Variants in RIT2 observed in about 807,000 individuals in gnomAD.
RIT2 encodes Ras like without CAAX 2.
In RIT2, 24 loss-of-function variants were observed where a neutral mutation model predicts 23.7. The observed-to-expected ratio is 1.01, with a 90% CI of 0.73 to 1.43. The LOEUF (loss-of-function observed/expected upper bound fraction) is 1.43, where lower values mean the gene tolerates loss of function less well. Among genes scored for constraint, RIT2 ranks in the 40% most tolerant of loss-of-function variants. RIT2 has a pLI of 0.00. For synonymous variants in RIT2, 107 were observed against 91.1 expected, an observed-to-expected ratio of 1.17 and a Z score of -0.99; for missense variants, 236 against 266.9, an observed-to-expected ratio of 0.88 and a Z score of 0.81.
At chr18:42,931,595 A>C (rs1909326388) in intron 3 of RIT2, among the ~76,000 whole-genome samples, 1 of 152,172 alleles carries the variant, frequency 6.6e-6, no homozygotes, top group Admixed American at 6.5e-5. Flanking sequence ...TCAAAGATTT[A>C]AAGTTTCATG....
chr18:42,752,528 G>T (rs1274343763), intron 4 of RIT2, among the ~76,000 whole-genome samples: 1 of 152,064 alleles, frequency 6.6e-6, no homozygotes, highest in East Asian at 1.9e-4. Context: ...TATCCATCAA[G>T]TTCTACTATC....
intron 4 of RIT2, among the ~76,000 whole-genome samples, chr18:42,817,814 G>C (rs1296899832): frequency 6.6e-6 from 1 of 151,964 alleles, no homozygotes; most frequent in Non-Finnish European, 1.5e-5. Context: ...TTTCAGAACT[G>C]TTGTTAAAAT....
At chr18:42,946,772 TTTC>T (rs1909737639) in intron 3 of RIT2, among the ~76,000 whole-genome samples, 1 of 152,012 alleles carries the variant, frequency 6.6e-6, no homozygotes, top group African/African-American at 2.4e-5. Context: ...TACTCTGCTA[TTTC>T]AGCAGAGATG....
intron 3 of RIT2, among the ~76,000 whole-genome samples, chr18:42,940,269 T>TATATATATATATATGC (rs1555648056): frequency 2.8e-4 from 39 of 137,962 alleles, no homozygotes; most frequent in African/African-American, 1.0e-3. Context: ...TATATATATA[T>TATATATATATATATGC]GCACACACAC....
chr18:42,955,626 A>G (rs954930365), intron 3 of RIT2, among the ~76,000 whole-genome samples: 1 of 152,174 alleles, frequency 6.6e-6, no homozygotes, highest in African/African-American at 2.4e-5. Context: ...CTGAGTCTCT[A>G]CCCCAAATAT....
chr18:42,811,761 A>G (rs1443963501), intron 4 of RIT2, among the ~76,000 whole-genome samples: 2 of 152,064 alleles, frequency 1.3e-5, no homozygotes, highest in East Asian at 1.9e-4. Flanking sequence ...ACAAGGTGCT[A>G]GAATGTTGAG....
intron 2 of RIT2, among the ~76,000 whole-genome samples, chr18:42,999,466 A>G (rs924679028): frequency 1.3e-5 from 2 of 152,104 alleles, no homozygotes; most frequent in East Asian, 1.9e-4. Context: ...ACATATTTAC[A>G]TACAAATGTG....
chr18:42,942,234 T>G (rs1272545527), intron 3 of RIT2, among the ~76,000 whole-genome samples: 1 of 152,128 alleles, frequency 6.6e-6, no homozygotes, highest in Non-Finnish European at 1.5e-5. Context: ...TGGCTTGGCA[T>G]AAGGACTGCT....
At chr18:43,024,312 C>T (rs1162958401) in intron 2 of RIT2, among the ~76,000 whole-genome samples, 1 of 151,992 alleles carries the variant, frequency 6.6e-6, no homozygotes, top group Non-Finnish European at 1.5e-5. Flanking sequence ...GGAGAAAGGA[C>T]ACCTTATTCA....
At chr18:42,854,473 G>A (rs1907132779) in intron 4 of RIT2, among the ~76,000 whole-genome samples, 1 of 152,120 alleles carries the variant, frequency 6.6e-6, no homozygotes, top group Admixed American at 6.5e-5. Flanking sequence ...AAACATTTTT[G>A]TGTGGGGAGG....
chr18:42,857,206 A>T (rs934210549), intron 4 of RIT2, among the ~76,000 whole-genome samples: 1 of 152,176 alleles, frequency 6.6e-6, no homozygotes, highest in Non-Finnish European at 1.5e-5. Flanking sequence ...ACATCCCACA[A>T]ACTACAAGGT....
intron 4 of RIT2, 35 bp downstream of exon 4, chr18:42,923,535 CAA>C (rs780804423): frequency 2.4e-5 from 38 of 1,583,412 alleles, no homozygotes; most frequent in Non-Finnish European, 2.9e-5. Flanking sequence ...ATCCTCAGAG[CAA>C]AAGACAGAAG....
chr18:43,090,332 C>T (rs1913391511), intron 1 of RIT2, among the ~76,000 whole-genome samples: 1 of 152,146 alleles, frequency 6.6e-6, no homozygotes, highest in Non-Finnish European at 1.5e-5. Flanking sequence ...TACCATCTCA[C>T]ACCATTCAGA....
intron 3 of RIT2, among the ~76,000 whole-genome samples, chr18:42,942,126 G>C (rs1412241190): frequency 6.6e-6 from 1 of 151,246 alleles, no homozygotes; most frequent in African/African-American, 2.4e-5. Flanking sequence ...CAGTGAATAT[G>C]TCAAACACTT....
intron 4 of RIT2, among the ~76,000 whole-genome samples, chr18:42,819,285 T>A (rs1276664944): frequency 2.6e-5 from 4 of 152,104 alleles, no homozygotes; most frequent in African/African-American, 4.8e-5. Flanking sequence ...CTTGCATTTC[T>A]ATCCTAACAC....
At chr18:42,849,493 A>G (rs1277991184) in intron 4 of RIT2, among the ~76,000 whole-genome samples, 2 of 152,112 alleles carry the variant, frequency 1.3e-5, no homozygotes, top group Admixed American at 1.3e-4. Context: ...CTTTTTCAGG[A>G]TAAGTGTGAA....
chr18:42,924,874 T>G (rs536064929), intron 3 of RIT2, among the ~76,000 whole-genome samples: 1 of 152,090 alleles, frequency 6.6e-6, no homozygotes, highest in Admixed American at 6.6e-5. Flanking sequence ...CCAGGAACTT[T>G]GGAAAACTAG....
intron 1 of RIT2, among the ~76,000 whole-genome samples, chr18:43,070,061 A>G (rs1912862985): frequency 1.3e-5 from 2 of 152,198 alleles, no homozygotes; most frequent in African/African-American, 2.4e-5. Flanking sequence ...ACAAGTATAT[A>G]TGCCAAATGA....
chr18:42,902,336 T>C (rs567861772), intron 4 of RIT2, among the ~76,000 whole-genome samples: 45 of 151,604 alleles, frequency 3.0e-4, no homozygotes, highest in Non-Finnish European at 5.6e-4. Context: ...ATTAGTATAT[T>C]GGTATGCTGT....
Sources: allele counts gnomAD v4.1 joint callset (sites outside exome capture counted in the v4.1 genomes callset), GRCh38; gene constraint gnomAD v4.1.1; transcripts MANE v1.5; gene names NCBI Gene and HGNC (gene_info 2026-07-23, HGNC 2026-07-21).